The following ANKRD31 variants were observed in gnomAD, a reference collection of about 807,000 sequenced individuals.
ANKRD31 encodes the protein ankyrin repeat domain 31, also known as ankyrin repeat domain-containing protein 31.
ANKRD31 carries 147 observed loss-of-function variants against 186.0 expected under a neutral mutation model. The ratio of observed to expected loss-of-function variants is 0.79; its 90% CI spans 0.69 to 0.91. ANKRD31 has a LOEUF of 0.91. Among genes scored for constraint, ANKRD31 ranks in the 40% least tolerant of loss-of-function variants. The pLI is 0.00. For synonymous variants in ANKRD31, 673 were observed against 736.4 expected (o/e 0.91, Z 1.39); for missense variants, 1,986 against 2,148.8 (o/e 0.92, Z 1.50).
intron 17 of ANKRD31, among the ~76,000 whole-genome samples, chr5:75,118,859 T>C (rs1002440133): frequency 3.3e-5 from 5 of 152,142 alleles, no homozygotes; most frequent in African/African-American, 1.2e-4. Flanking sequence ...TAACACAGCC[T>C]CTTGTCTTTC....
intron 9 of ANKRD31, among the ~76,000 whole-genome samples, chr5:75,190,004 ATT>A (rs56260923): frequency 2.7e-5 from 4 of 146,530 alleles, no homozygotes; most frequent in Non-Finnish European, 3.0e-5. Context: ...TTTGTTTAGA[ATT>A]TTTTTTTTTT....
intron 22 of ANKRD31, among the ~76,000 whole-genome samples, chr5:75,099,548 A>C (rs1364018023): frequency 6.6e-6 from 1 of 152,194 alleles, no homozygotes; most frequent in Non-Finnish European, 1.5e-5. Flanking sequence ...TCAGCTGTGA[A>C]TCCATCTGGT....
At chr5:75,129,140 T>G (rs1034196893) in intron 17 of ANKRD31, among the ~76,000 whole-genome samples, 2 of 152,048 alleles carry the variant, frequency 1.3e-5, no homozygotes, top group Admixed American at 6.5e-5. Context: ...GATCTGGTGG[T>G]TTAAAAGTGT....
intron 17 of ANKRD31, among the ~76,000 whole-genome samples, chr5:75,126,782 C>T (rs10462513): frequency 0.51 from 76,825 of 151,886 alleles, 22,406 homozygotes; most frequent in African/African-American, 0.82. Context: ...ACAGGAAGCT[C>T]AGCAATCCCC....
chr5:75,130,540 T>C (rs1223597013), intron 17 of ANKRD31, among the ~76,000 whole-genome samples: 1 of 152,172 alleles, frequency 6.6e-6, no homozygotes, highest in Non-Finnish European at 1.5e-5. Context: ...TGCTGATTGG[T>C]GCATTTACAA....
chr5:75,161,075 A>G (rs6898122), intron 11 of ANKRD31, among the ~76,000 whole-genome samples: 7,433 of 152,254 alleles, frequency 0.049, 391 homozygotes, highest in African/African-American at 0.13. Flanking sequence ...TGCTGAAAAG[A>G]TACCTGAAAA....
intron 2 of ANKRD31, among the ~76,000 whole-genome samples, chr5:75,229,880 A>AC (rs1561554820): frequency 1.2e-5 from 1 of 85,304 alleles, no homozygotes; most frequent in Non-Finnish European, 2.0e-5. Flanking sequence ...AAAAAAAAAA[A>AC]AAAAAAACAA....
chr5:75,156,719 G>A (rs1405459666), intron 11 of ANKRD31, among the ~76,000 whole-genome samples: 1 of 152,158 alleles, frequency 6.6e-6, no homozygotes, highest in East Asian at 1.9e-4. Context: ...GTAAAGTCAA[G>A]GGAGAGGTTG....
intron 17 of ANKRD31, among the ~76,000 whole-genome samples, chr5:75,133,442 C>T (rs1318783702): frequency 6.6e-6 from 1 of 152,134 alleles, no homozygotes; most frequent in African/African-American, 2.4e-5. Flanking sequence ...GTAAAGGGAT[C>T]AATTCAACAA....
chr5:75,191,442 T>C (rs1755103741), intron 9 of ANKRD31, among the ~76,000 whole-genome samples: 1 of 152,132 alleles, frequency 6.6e-6, no homozygotes, highest in Non-Finnish European at 1.5e-5. Flanking sequence ...CCTGCCACTC[T>C]AACTTTTTGC....
chr5:75,156,006 A>T (rs776002308), intron 11 of ANKRD31, among the ~76,000 whole-genome samples: 2 of 151,992 alleles, frequency 1.3e-5, no homozygotes, highest in African/African-American at 2.4e-5. Flanking sequence ...TCCCGGGTTC[A>T]ATCAATTCTT....
At position 75,141,646 on chromosome 5, in the gene ANKRD31, A is replaced by G. The variant is rs547841507; in HGVS notation, c.3595+2355T>C. On this transcript the variant is annotated intron_variant, in intron 15 of 25. Transcript: ENST00000506364. ...GAGCGAGACTCCGTTTCAAAAAAAG[A>G]AAAGAAAAAAAATTAGCGGGGTGTG... 2.0e-5 allele frequency among the ~76,000 whole-genome samples: 3 copies of G among 152,056 alleles called. No homozygotes were observed. The East Asian group carries it at 5.8e-4, about 30-fold the overall frequency.
intron 17 of ANKRD31, among the ~76,000 whole-genome samples, chr5:75,128,670 AT>A (rs11334083): frequency 0.33 from 44,954 of 137,928 alleles, 7,002 homozygotes; most frequent in South Asian, 0.49. Flanking sequence ...TTCCCAGCTA[AT>A]TTTTTTTTTT....
chr5:75,092,682 C>G (rs948074479), intron 22 of ANKRD31, among the ~76,000 whole-genome samples: 3 of 151,904 alleles, frequency 2.0e-5, no homozygotes, highest in African/African-American at 7.3e-5. Context: ...CCAGTTCCAA[C>G]AAAAAGTTAT....
chr5:75,139,830 C>T (rs74473269), intron 15 of ANKRD31, among the ~76,000 whole-genome samples: 3,767 of 152,120 alleles, frequency 0.025, 142 homozygotes, highest in African/African-American at 0.086. Flanking sequence ...TGGGCGTGGG[C>T]GCTGGGCAGT....
Position 75,104,992 on chromosome 5 carries a change from T to C in ANKRD31, c.4567A>G (p.Asn1523Asp), listed in dbSNP as rs750128438. ...GAACCTGATTGGGGATGCTCTAAAT[T>C]TTCCAGACTAGTGAGCTCTTGGCTG... is the stretch of plus-strand genomic sequence containing the variant. Reference protein sequence around the residue: ...KDSQELTSLENLEHPQSGSLS... With the variant: ...KDSQELTSLEDLEHPQSGSLS... The change falls in exon 22 of 26, where the codon AAT (asparagine) becomes GAT (aspartate). Residue 1523 changes from asparagine (N) to aspartate (D), a missense_variant. Asn to Asp is a conservative substitution (Grantham distance 23). Transcript: ENST00000506364. 5.9e-6 allele frequency: 9 copies of C among 1,536,980 alleles called. No individual in the cohort carries two copies. The highest frequency in any genetic ancestry group is 4.1e-5 in the African/African-American group (3 of 73,010).
At chr5:75,150,438 T>C (rs1751763795) in intron 12 of ANKRD31, among the ~76,000 whole-genome samples, 1 of 151,888 alleles carries the variant, frequency 6.6e-6, no homozygotes, top group South Asian at 2.1e-4. Flanking sequence ...AAATATTCTT[T>C]ACTTAAGTAA....
intron 23 of ANKRD31, among the ~76,000 whole-genome samples, chr5:75,087,886 C>T (rs1048531702): frequency 1.3e-5 from 2 of 152,184 alleles, no homozygotes; most frequent in Non-Finnish European, 2.9e-5. Flanking sequence ...ATGGTACCAA[C>T]CTCCCCATTC....
chr5:75,086,569 T>A (rs1745498049), intron 23 of ANKRD31, among the ~76,000 whole-genome samples: 1 of 152,206 alleles, frequency 6.6e-6, no homozygotes, highest in South Asian at 2.1e-4. Flanking sequence ...CAACATAGCC[T>A]CCAGTGATCT....
Sources: allele counts gnomAD v4.1 joint callset (sites outside exome capture counted in the v4.1 genomes callset), GRCh38; gene constraint gnomAD v4.1.1; transcripts MANE v1.5; gene names NCBI Gene and HGNC (gene_info 2026-07-23, HGNC 2026-07-21).